Variants in SLC9A9 observed in about 807,000 individuals in gnomAD.
SLC9A9 encodes solute carrier family 9 member A9, also known as sodium/hydrogen exchanger 9.
Under a neutral mutation model 77.8 loss-of-function variants are expected in SLC9A9, and 62 were observed. The observed-to-expected ratio is 0.80, with a 90% CI of 0.65 to 0.98. The LOEUF (loss-of-function observed/expected upper bound fraction) is 0.98. Ranked by LOEUF, SLC9A9 falls within the 50% of genes least tolerant of loss-of-function variation. SLC9A9 has a pLI of 0.00. For synonymous variants in SLC9A9, 320 were observed against 283.5 expected, an observed-to-expected ratio of 1.13 and a Z score of -1.29; for missense variants, 775 against 774.9, an observed-to-expected ratio of 1.00 and a Z score of 0.00.
intron 11 of SLC9A9, among the ~76,000 whole-genome samples, chr3:143,491,658 G>C (rs369319339): frequency 6.6e-6 from 1 of 152,180 alleles, no homozygotes; most frequent in East Asian, 1.9e-4. Flanking sequence ...AGGTGCGAAA[G>C]CCTGGAGAAA....
intron 14 of SLC9A9, among the ~76,000 whole-genome samples, chr3:143,302,909 G>A (rs1193715844): frequency 2.6e-5 from 4 of 152,174 alleles, no homozygotes; most frequent in Non-Finnish European, 5.9e-5. Context: ...CAAGAGTGTG[G>A]AGTCCCTCCC....
At chr3:143,841,858 A>G (rs1034644423) in intron 1 of SLC9A9, among the ~76,000 whole-genome samples, 5 of 151,514 alleles carry the variant, frequency 3.3e-5, no homozygotes, top group Admixed American at 2.6e-4. Flanking sequence ...AGTTCAAGCA[A>G]TTCTCCTGCC....
intron 11 of SLC9A9, among the ~76,000 whole-genome samples, chr3:143,490,799 G>A (rs1019156189): frequency 6.6e-6 from 1 of 152,172 alleles, no homozygotes; most frequent in Non-Finnish European, 1.5e-5. Flanking sequence ...AGTGACTTTT[G>A]AGCGTGGTAT....
At chr3:143,436,326 C>T (rs780086112) in intron 12 of SLC9A9, among the ~76,000 whole-genome samples, 3 of 152,206 alleles carry the variant, frequency 2.0e-5, no homozygotes, top group South Asian at 2.1e-4. Flanking sequence ...ATGAGCCAGA[C>T]GTTGACGGTG....
chr3:143,276,113 C>T (rs1300724942), intron 14 of SLC9A9, among the ~76,000 whole-genome samples: 4 of 152,114 alleles, frequency 2.6e-5, no homozygotes, highest in Non-Finnish European at 5.9e-5. Flanking sequence ...GTATAGGGCC[C>T]TGTCCTAGGA....
intron 5 of SLC9A9, among the ~76,000 whole-genome samples, chr3:143,667,556 G>A (rs7627046): frequency 1.3e-4 from 20 of 152,126 alleles, no homozygotes; most frequent in Admixed American, 7.2e-4. Context: ...CCTACAGAAT[G>A]GGAGAAAATT....
At chr3:143,481,781 C>T (rs2035579127) in intron 11 of SLC9A9, among the ~76,000 whole-genome samples, 1 of 152,160 alleles carries the variant, frequency 6.6e-6, no homozygotes, top group Non-Finnish European at 1.5e-5. Context: ...ATGGAAGTGT[C>T]CCCTTTACAT....
At chr3:143,791,110 G>A (rs1204886618) in intron 4 of SLC9A9, among the ~76,000 whole-genome samples, 1 of 152,098 alleles carries the variant, frequency 6.6e-6, no homozygotes, top group Non-Finnish European at 1.5e-5. Flanking sequence ...TCAAACACAT[G>A]GACTTTTCTT....
At chr3:143,480,592 A>C (rs1282756719) in intron 11 of SLC9A9, among the ~76,000 whole-genome samples, 2 of 152,214 alleles carry the variant, frequency 1.3e-5, no homozygotes, top group Admixed American at 1.3e-4. Flanking sequence ...AGACCTCAGA[A>C]GACCTACTCC....
chr3:143,726,887 C>G (rs1302658358), intron 4 of SLC9A9, among the ~76,000 whole-genome samples: 1 of 152,152 alleles, frequency 6.6e-6, no homozygotes, highest in Non-Finnish European at 1.5e-5. Context: ...AAAGCAGCAG[C>G]ATAAAGTTTA....
intron 6 of SLC9A9, among the ~76,000 whole-genome samples, chr3:143,616,264 G>T (rs141467106): frequency 1.3e-5 from 2 of 152,248 alleles, no homozygotes; most frequent in African/African-American, 2.4e-5. Flanking sequence ...TTTAGAGAAG[G>T]TTGGTTACCT....
At chr3:143,348,821 G>C (rs765843526) in intron 14 of SLC9A9, among the ~76,000 whole-genome samples, 1 of 152,140 alleles carries the variant, frequency 6.6e-6, no homozygotes. Context: ...CTTTGGGTAC[G>C]GGGGAGTTGC....
intron 8 of SLC9A9, among the ~76,000 whole-genome samples, chr3:143,570,435 G>A (rs1158118842): frequency 1.3e-5 from 2 of 151,954 alleles, no homozygotes; most frequent in African/African-American, 4.8e-5. Flanking sequence ...AGACAATTTG[G>A]ACAAATTTGT....
intron 6 of SLC9A9, among the ~76,000 whole-genome samples, chr3:143,617,116 GGT>G (rs2108707033): frequency 6.6e-6 from 1 of 152,294 alleles, no homozygotes; most frequent in Admixed American, 6.5e-5. Flanking sequence ...GAATGAGCCA[GGT>G]GAATAAAGGA....
intron 14 of SLC9A9, among the ~76,000 whole-genome samples, chr3:143,360,847 C>T (rs150760087): frequency 1.3e-4 from 20 of 152,282 alleles, no homozygotes; most frequent in Middle Eastern, 3.4e-3. Context: ...TTCATTTAAA[C>T]CTTAACTTAG....
At chr3:143,290,823 C>A (rs913734882) in intron 14 of SLC9A9, among the ~76,000 whole-genome samples, 3 of 152,200 alleles carry the variant, frequency 2.0e-5, no homozygotes, top group Non-Finnish European at 4.4e-5. Flanking sequence ...TTAGATCCAG[C>A]ACCTATCCCC....
chr3:143,693,184 G>A lies in SLC9A9; in HGVS notation c.649+8C>T. 6.3e-7 allele frequency: 1 copy of A among 1,590,142 alleles called. No homozygotes were observed. Among genetic ancestry groups the A allele is most frequent in the Non-Finnish European group, 8.6e-7 (1 of 1,158,810 alleles). On this transcript the variant is annotated splice_region_variant and intron_variant, in intron 5 of 15. Coordinates refer to ENST00000316549, the MANE Select transcript of SLC9A9 (RefSeq NM_173653.4). Reference sequence around the variant, plus strand: ...TAAAAGAAGAAAATATATTATTTGAGCAATTACCTGGATCTGTAGCAGACA... The same window carrying A: ...TAAAAGAAGAAAATATATTATTTGAACAATTACCTGGATCTGTAGCAGACA...
intron 2 of SLC9A9, among the ~76,000 whole-genome samples, chr3:143,814,203 T>C (rs1429819638): frequency 1.3e-5 from 2 of 151,702 alleles, no homozygotes. Flanking sequence ...GTAAGAGGGG[T>C]CAGAAAGGCT....
intron 4 of SLC9A9, among the ~76,000 whole-genome samples, chr3:143,765,031 C>A (rs148362408): frequency 6.8e-6 from 1 of 147,652 alleles, no homozygotes; most frequent in African/African-American, 2.5e-5. Flanking sequence ...CTTTCTTTCT[C>A]TCTTTCTCTT....
Sources: gnomAD v4.1 joint callset for allele counts (sites outside exome capture counted in the v4.1 genomes callset) on GRCh38, gnomAD v4.1.1 for gene constraint, MANE v1.5 for transcripts, NCBI Gene and HGNC (gene_info 2026-07-23, HGNC 2026-07-21) for gene names.